The following APOOL variants were observed in gnomAD, a reference collection of about 807,000 sequenced individuals.
The protein encoded by APOOL is apolipoprotein O like.
In APOOL, 12 loss-of-function variants were observed where a neutral mutation model predicts 23.1. The ratio of observed to expected loss-of-function variants is 0.52; its 90% confidence interval spans 0.33 to 0.84. The LOEUF (loss-of-function observed/expected upper bound fraction) is 0.84, where lower values mean the gene tolerates loss of function less well. Ranked by LOEUF, APOOL falls within the 40% of genes least tolerant of loss-of-function variation. The pLI is 0.02. For missense variants in APOOL, 212 were observed against 199.6 expected (o/e 1.06, Z -0.37); for synonymous variants, 77 against 69.9 (o/e 1.10, Z -0.51).
intron 8 of APOOL, among the ~76,000 whole-genome samples, chrX:85,079,120 A>C (rs1207190921): frequency 9.0e-6 from 1 of 111,549 alleles, no homozygotes; most frequent in African/African-American, 3.3e-5. Context: ...AGAACTTCCA[A>C]CACCATGTTG....
intron 8 of APOOL, among the ~76,000 whole-genome samples, chrX:85,084,488 A>G (rs1358866716): frequency 1.8e-5 from 2 of 109,620 alleles, no homozygotes; most frequent in Non-Finnish European, 3.8e-5. Context: ...AAGTGGTTCT[A>G]AACCAGAGAG....
chrX:85,027,845 T>C (rs1293052596), intron 1 of APOOL, among the ~76,000 whole-genome samples: 2 of 112,059 alleles, frequency 1.8e-5, no homozygotes, highest in Non-Finnish European at 3.8e-5. Context: ...ACTAGTTTGA[T>C]AGGTGTCTCA....
chrX:85,063,240 A>T (rs1923304792), intron 5 of APOOL, among the ~76,000 whole-genome samples: 1 of 112,066 alleles, frequency 8.9e-6, no homozygotes, highest in African/African-American at 3.2e-5. Flanking sequence ...GAAGTTGCTT[A>T]TCAGCTTAAG....
In APOOL at chrX:85,044,576, C is replaced by T. The variant is rs1049618828; in HGVS notation, c.16-1870C>T. ...GATTACAGGCATGAGCCACCACTCC[C>T]GGCCCTAAGCTCATATTTTTTTTCC... On this transcript the variant is annotated intron_variant, in intron 1 of 8. Coordinates refer to ENST00000373173, the MANE Select transcript of APOOL (RefSeq NM_198450.6). Among the ~76,000 whole-genome samples the T allele has an allele frequency of 4.5e-5, 5 of 111,147 alleles. No individual in the cohort carries two copies. The East Asian group carries it at 8.4e-4, about 19-fold the overall frequency.
rs1269511946 is a variant in APOOL at position 85,089,038 on chromosome X, A to G, written c.*1360A>G. 9.0e-6 allele frequency: 1 copy of G among 111,698 alleles called. No individual in the cohort carries two copies. The highest frequency in any genetic ancestry group is 3.3e-5 in the African/African-American group (1 of 30,718). 9.2% of individuals were successfully genotyped at this position (111,698 alleles called of 1,213,427 possible). A position where few individuals can be genotyped will look rare whatever the true frequency, so the allele number is the denominator to read the frequency against. On this transcript the variant is annotated 3_prime_UTR_variant, in exon 9 of 9. Transcript: ENST00000373173. Reference sequence around the variant, plus strand: ...TAAAAAGTAATTGTTACTTTTTGACAAAAGTAAATATTGTCCCTTTTTTCC... The same window carrying G: ...TAAAAAGTAATTGTTACTTTTTGACGAAAGTAAATATTGTCCCTTTTTTCC...
chrX:85,017,255 G>C (rs1300987628), intron 1 of APOOL, among the ~76,000 whole-genome samples: 2 of 111,225 alleles, frequency 1.8e-5, no homozygotes, highest in Non-Finnish European at 3.8e-5. Context: ...GGCTGCCTCT[G>C]CTGTGCAGTA....
rs1339592173 is a variant in APOOL, at chrX:85,089,770, G to T, written c.*2092G>T. ...TAAAACAAAATTGTCTCTACCTCCC[G>T]CTCCTTCAAATCTATTCTGTCTTCT... On this transcript the variant is annotated 3_prime_UTR_variant, in exon 9 of 9. Coordinates refer to ENST00000373173, the MANE Select transcript of APOOL (RefSeq NM_198450.6). The T allele has an allele frequency of 9.1e-6, 1 of 110,182 alleles. No homozygotes were observed. Among genetic ancestry groups the T allele is most frequent in the Non-Finnish European group, 1.9e-5 (1 of 52,816 alleles). The allele number at this position is 110,182 out of a possible 1,213,427, so 9.1% of individuals were successfully genotyped here. A position where few individuals can be genotyped will look rare whatever the true frequency, so the allele number is the denominator to read the frequency against.
Position 85,074,318 on chromosome X carries a change from C to A in APOOL, c.645C>A (p.His215Gln), listed in dbSNP as rs753143417. Reference sequence around the variant, plus strand: ...TAGAAGTACCTGCAAAAACAACTCACGTCTTGAAACACTCAGTGCCCTTGC... The same window carrying A: ...TAGAAGTACCTGCAAAAACAACTCAAGTCTTGAAACACTCAGTGCCCTTGC... ...SEIEVPAKTTHVLKHSVPLPT... is the reference protein window; with the variant it reads ...SEIEVPAKTTQVLKHSVPLPT... The change falls in exon 8 of 9, where the codon CAC (histidine) becomes CAA (glutamine). Residue 215 changes from histidine to glutamine, a missense_variant. Physicochemically the swap from His to Gln is conservative, Grantham distance 24. Transcript: ENST00000373173. 4 of 1,209,046 alleles carry A rather than the reference C, an allele frequency of 3.3e-6. No homozygotes were observed. The Admixed American group carries it at 6.6e-5, about 20-fold the overall frequency.
At position 85,088,345 on chromosome X, in the gene APOOL, T is replaced by TTTTTTTC. The variant is rs1924438508; in HGVS notation, c.*667_*668insTTTTTTC. 2.4e-5 allele frequency: 2 copies of TTTTTTTC among 84,836 alleles called. No homozygotes were observed. Among genetic ancestry groups the TTTTTTTC allele is most frequent in the Non-Finnish European group, 4.5e-5 (2 of 44,933 alleles). 7.0% of individuals were successfully genotyped at this position (84,836 alleles called of 1,213,427 possible). A position where few individuals can be genotyped will look rare whatever the true frequency, so the allele number is the denominator to read the frequency against. Reference sequence around the variant, plus strand: ...TTTTTTTTTTTTTTTTTTTTTTTTTTCCCATTTCCTAGAGCTGGAATAAAA... The same window carrying TTTTTTTC: ...TTTTTTTTTTTTTTTTTTTTTTTTTTTTTTTTCCCCATTTCCTAGAGCTGGAATAAAA... On this transcript the variant is annotated 3_prime_UTR_variant, in exon 9 of 9. Coordinates refer to ENST00000373173, the MANE Select transcript of APOOL (RefSeq NM_198450.6).
intron 1 of APOOL, among the ~76,000 whole-genome samples, chrX:85,025,767 T>C (rs1259030342): frequency 8.9e-6 from 1 of 112,906 alleles, no homozygotes; most frequent in Non-Finnish European, 1.9e-5. Context: ...CTTGGGCAGC[T>C]CCACCCCTGT....
chrX:85,043,365 A>G (rs1405759831), intron 1 of APOOL, among the ~76,000 whole-genome samples: 1 of 108,740 alleles, frequency 9.2e-6, no homozygotes, highest in Non-Finnish European at 1.9e-5. Flanking sequence ...AAACTCTAAT[A>G]ACTTTTTGAA....
chrX:85,047,941 T>C (rs1048806528), intron 2 of APOOL, among the ~76,000 whole-genome samples: 8 of 111,760 alleles, frequency 7.2e-5, no homozygotes, highest in Non-Finnish European at 1.3e-4. Context: ...TACCATCAAA[T>C]AAATGTAAAA....
chrX:85,004,117 C>G (rs1447938012), intron 1 of APOOL, among the ~76,000 whole-genome samples, 190 bp downstream of exon 1: 1 of 111,642 alleles, frequency 9.0e-6, no homozygotes, highest in East Asian at 2.8e-4. Context: ...GTTTTATCAG[C>G]CTGGGACGCT....
At chrX:85,030,831 G>A (rs1922015063) in intron 1 of APOOL, among the ~76,000 whole-genome samples, 1 of 111,406 alleles carries the variant, frequency 9.0e-6, no homozygotes, top group South Asian at 3.8e-4. Flanking sequence ...GGTTATGGGT[G>A]CACTAAAATC....
At chrX:85,041,012 G>A (rs1328810402) in intron 1 of APOOL, among the ~76,000 whole-genome samples, 1 of 111,879 alleles carries the variant, frequency 8.9e-6, no homozygotes, top group Non-Finnish European at 1.9e-5. Context: ...GTGGGCTGAC[G>A]TTCCTTTAAT....
At chrX:85,012,322 T>C (rs1049736725) in intron 1 of APOOL, among the ~76,000 whole-genome samples, 3 of 111,531 alleles carry the variant, frequency 2.7e-5, no homozygotes, top group Non-Finnish European at 5.7e-5. Context: ...TTTTCTGATT[T>C]GGGTGCCCTT....
intron 6 of APOOL, among the ~76,000 whole-genome samples, chrX:85,072,369 C>G (rs1676948622): frequency 9.0e-6 from 1 of 110,902 alleles, no homozygotes; most frequent in Non-Finnish European, 1.9e-5. Context: ...GACATATACT[C>G]TTGGTGGTAG....
intron 6 of APOOL, among the ~76,000 whole-genome samples, chrX:85,068,804 G>GA (rs1203924649): frequency 1.8e-5 from 2 of 110,891 alleles, no homozygotes; most frequent in South Asian, 3.8e-4. Flanking sequence ...AAAAGTTTAG[G>GA]AAAAAAACAA....
At position 85,062,686 on chromosome X, in the gene APOOL, C is replaced by T. The variant is rs747832200; in HGVS notation, c.395-4441C>T. Reference sequence around the variant, plus strand: ...CAAAGATCAGATGGTTGTAGATGTGCGGTTTTAGTTCTCTATTCTGCTCCA... The same window carrying T: ...CAAAGATCAGATGGTTGTAGATGTGTGGTTTTAGTTCTCTATTCTGCTCCA... On this transcript the variant is annotated intron_variant, in intron 5 of 8. Transcript: ENST00000373173. Among the ~76,000 whole-genome samples, 61 of 109,705 alleles carry T rather than the reference C, an allele frequency of 5.6e-4. No homozygotes were observed. The South Asian group carries it at 0.012, about 21-fold the overall frequency.
Sources: gnomAD v4.1 joint callset for allele counts (sites outside exome capture counted in the v4.1 genomes callset) on GRCh38, gnomAD v4.1.1 for gene constraint, MANE v1.5 for transcripts, NCBI Gene and HGNC (gene_info 2026-07-23, HGNC 2026-07-21) for gene names.